The following PRKCA variants were observed in gnomAD, a reference collection of about 807,000 sequenced individuals.
PRKCA encodes the protein protein kinase C alpha type.
In PRKCA, 27 loss-of-function variants were observed where a neutral mutation model predicts 87.0. That is an observed-to-expected ratio of 0.31 (90% CI 0.23 to 0.43). The LOEUF (loss-of-function observed/expected upper bound fraction) is 0.43, where lower values mean the gene tolerates loss of function less well. PRKCA is among the 20% of genes least tolerant of loss of function. The pLI is 1.00. For missense variants in PRKCA, 518 were observed against 852.3 expected (o/e 0.61, Z 4.88); for synonymous variants, 329 against 311.1 (o/e 1.06, Z -0.61).
At chr17:66,423,545 C>G (rs1021367699) in intron 2 of PRKCA, among the ~76,000 whole-genome samples, 1 of 152,182 alleles carries the variant, frequency 6.6e-6, no homozygotes, top group Non-Finnish European at 1.5e-5. Context: ...CAATAATTAC[C>G]TGACTCAGAA....
At chr17:66,801,341 C>A (rs543424634) in intron 16 of PRKCA, among the ~76,000 whole-genome samples, 11 of 152,180 alleles carry the variant, frequency 7.2e-5, no homozygotes, top group Non-Finnish European at 5.9e-5. Flanking sequence ...GCCTCTGCCC[C>A]CAGATGCCAG....
At chr17:66,734,062 G>T (rs1477176282) in intron 9 of PRKCA, among the ~76,000 whole-genome samples, 1 of 152,160 alleles carries the variant, frequency 6.6e-6, no homozygotes, top group Non-Finnish European at 1.5e-5. Context: ...GTAGCTGTAG[G>T]GATTTAGAAA....
chr17:66,641,363 G>A lies in PRKCA; in HGVS notation c.297G>A (p.Arg99=), dbSNP rs758786156. ...ADKGPDTDDP[R]SKHKFKIHTY... is the part of the protein sequence containing the mutation. ...GCTTCTTCTCCTCCCAGGACCCCAG[G>A]AGCAAGCACAAGTTCAAAATCCACA... The change falls in exon 4 of 17, where the codon AGG becomes AGA. Residue 99 remains arginine (R), a synonymous_variant. Coordinates refer to ENST00000413366, the MANE Select transcript of PRKCA (RefSeq NM_002737.3). 2.3e-5 allele frequency: 37 copies of A among 1,612,184 alleles called. No individual in the cohort carries two copies. Among genetic ancestry groups the A allele is most frequent in the Non-Finnish European group, 3.1e-5 (37 of 1,179,000 alleles).
intron 2 of PRKCA, among the ~76,000 whole-genome samples, chr17:66,492,950 G>A (rs1287160619): frequency 3.3e-5 from 5 of 152,154 alleles, no homozygotes; most frequent in African/African-American, 4.8e-5. Flanking sequence ...CAGCGTGCTG[G>A]GCAGCCAGCA....
intron 3 of PRKCA, among the ~76,000 whole-genome samples, chr17:66,627,546 C>T (rs1445355663): frequency 6.6e-6 from 1 of 152,122 alleles, no homozygotes; most frequent in Non-Finnish European, 1.5e-5. Flanking sequence ...CAAAGTGAGA[C>T]GTGGAAGGGC....
chr17:66,312,007 G>C (rs1905110625), intron 2 of PRKCA, among the ~76,000 whole-genome samples: 1 of 152,108 alleles, frequency 6.6e-6, no homozygotes, highest in Admixed American at 6.5e-5. Flanking sequence ...TTGAGATGGA[G>C]TCTCGCTCTT....
At chr17:66,764,947 T>G (rs1275137402) in intron 13 of PRKCA, among the ~76,000 whole-genome samples, 1 of 152,022 alleles carries the variant, frequency 6.6e-6, no homozygotes, top group East Asian at 1.9e-4. Context: ...CAAAGCTGGC[T>G]CCCTAGACCA....
intron 3 of PRKCA, among the ~76,000 whole-genome samples, chr17:66,505,355 C>A (rs1916930570): frequency 6.6e-6 from 1 of 152,106 alleles, no homozygotes; most frequent in Non-Finnish European, 1.5e-5. Context: ...TGAGTATTTG[C>A]CCCGTTGTCT....
chr17:66,675,819 C>T (rs1972313530), intron 5 of PRKCA, among the ~76,000 whole-genome samples: 1 of 152,192 alleles, frequency 6.6e-6, no homozygotes, highest in African/African-American at 2.4e-5. Context: ...ATAATAGCCC[C>T]TAGCGATGCC....
chr17:66,753,430 A>C (rs1243393844), intron 13 of PRKCA, among the ~76,000 whole-genome samples: 1 of 152,174 alleles, frequency 6.6e-6, no homozygotes, highest in Non-Finnish European at 1.5e-5. Flanking sequence ...TTAGACATGC[A>C]GGTTGGGGTG....
At chr17:66,347,960 T>TTTTTTTTTTTTTTTTTTTTTTA (rs1907503291) in intron 2 of PRKCA, among the ~76,000 whole-genome samples, 1 of 143,970 alleles carries the variant, frequency 6.9e-6, no homozygotes, top group Non-Finnish European at 1.5e-5. Context: ...TTTTTTTTTT[T>TTTTTTTTTTTTTTTTTTTTTTA]GAGACAAAGT....
chr17:66,383,241 A>G (rs1909869091), intron 2 of PRKCA, among the ~76,000 whole-genome samples: 1 of 152,006 alleles, frequency 6.6e-6, no homozygotes, highest in African/African-American at 2.4e-5. Flanking sequence ...TGTTCATATT[A>G]TTTTTCTAAG....
At position 66,758,763 on chromosome 17, in the gene PRKCA, G is replaced by T. The variant is rs545743177; in HGVS notation, c.1525-15224G>T. On this transcript the variant is annotated intron_variant, in intron 13 of 16. Coordinates refer to ENST00000413366, the MANE Select transcript of PRKCA (RefSeq NM_002737.3). The stretch of plus-strand genomic sequence containing the variant: ...TTGTGCTCTTGCTGCAGTTCCTTGG[G>T]TTCCATATTTTCCTTATTCCCTTCC... Among the ~76,000 whole-genome samples, 293 of 152,216 alleles carry T rather than the reference G, an allele frequency of 1.9e-3. 1 individual carries two copies. Among genetic ancestry groups the T allele is most frequent in the African/African-American group, 6.6e-3 (274 of 41,524 alleles).
intron 3 of PRKCA, among the ~76,000 whole-genome samples, chr17:66,496,988 A>G (rs750104320): frequency 4.6e-5 from 7 of 152,106 alleles, no homozygotes; most frequent in Non-Finnish European, 8.8e-5. Context: ...TAGGAGCATC[A>G]TTGCTTTGGG....
At chr17:66,576,952 G>T (rs1023921543) in intron 3 of PRKCA, among the ~76,000 whole-genome samples, 9 of 148,912 alleles carry the variant, frequency 6.0e-5, no homozygotes, top group African/African-American at 2.2e-4. Context: ...TTGGCTCACT[G>T]CAGCCTCCAC....
chr17:66,594,147 G>A (rs1969899710), intron 3 of PRKCA, among the ~76,000 whole-genome samples: 1 of 152,186 alleles, frequency 6.6e-6, no homozygotes, highest in Non-Finnish European at 1.5e-5. Context: ...TACAATGGAG[G>A]ATTCCAAGCC....
At chr17:66,666,358 A>G (rs1972042690) in intron 5 of PRKCA, among the ~76,000 whole-genome samples, 1 of 152,218 alleles carries the variant, frequency 6.6e-6, no homozygotes, top group South Asian at 2.1e-4. Context: ...AAGCACTTGA[A>G]GTCAAATGCT....
At chr17:66,688,150 T>C in intron 6 of PRKCA, 152 bp from the exon 7 acceptor site, 1 of 898,048 alleles carries the variant, frequency 1.1e-6, no homozygotes, top group Non-Finnish European at 1.6e-6. Flanking sequence ...CCTGTAGCGC[T>C]TTGCTTGCCA....
Position 66,805,235 on chromosome 17 carries a change from T to A in PRKCA, c.*1198T>A. ...TGCCTAACAGCTCAAAGATGTTTTG[T>A]TAATAGAAGGATTTTAATACGTTTT... On this transcript the variant is annotated 3_prime_UTR_variant, in exon 17 of 17. Transcript: ENST00000413366. 3 of 791,960 alleles carry A rather than the reference T, an allele frequency of 3.8e-6. No homozygotes were observed. Among genetic ancestry groups the A allele is most frequent in the Non-Finnish European group, 4.6e-6 (3 of 653,586 alleles). 49.1% of individuals were successfully genotyped at this position (791,960 alleles called of 1,614,324 possible).
Sources: gnomAD v4.1 joint callset for allele counts (sites outside exome capture counted in the v4.1 genomes callset) on GRCh38, gnomAD v4.1.1 for gene constraint, MANE v1.5 for transcripts, NCBI Gene and HGNC (gene_info 2026-07-23, HGNC 2026-07-21) for gene names.